EFCAB5: variants seen among roughly 807,000 people sequenced by gnomAD.
EFCAB5 encodes the protein EF-hand calcium binding domain 5.
Under a neutral mutation model 167.9 loss-of-function variants are expected in EFCAB5, and 131 were observed. The ratio of observed to expected loss-of-function variants is 0.78; its 90% CI spans 0.68 to 0.90. The LOEUF (loss-of-function observed/expected upper bound fraction) is 0.90, where lower values mean the gene tolerates loss of function less well. Among genes scored for constraint, EFCAB5 ranks in the 40% least tolerant of loss-of-function variants. The pLI is 0.00. For missense variants in EFCAB5, 1,663 were observed against 1,745.2 expected, an observed-to-expected ratio of 0.95 and a Z score of 0.84; for synonymous variants, 574 against 602.8, an observed-to-expected ratio of 0.95 and a Z score of 0.70.
intron 6 of EFCAB5, among the ~76,000 whole-genome samples, chr17:29,997,738 A>C (rs548790932): frequency 6.6e-6 from 1 of 152,152 alleles, no homozygotes; most frequent in Non-Finnish European, 1.5e-5. Flanking sequence ...AATGTCCTGC[A>C]GAAGGGGGAA....
chr17:30,075,003 C>A (rs1029200234), intron 14 of EFCAB5, among the ~76,000 whole-genome samples: 16 of 151,980 alleles, frequency 1.1e-4, no homozygotes, highest in African/African-American at 3.1e-4. Flanking sequence ...CTGTACATAC[C>A]TTTCTGTCTA....
At chr17:29,968,716 A>G in intron 3 of EFCAB5, 75 bp from the exon 4 acceptor site, 2 of 1,267,750 alleles carry the variant, frequency 1.6e-6, no homozygotes, top group Non-Finnish European at 2.1e-6. Context: ...AAATTTTTTC[A>G]AATATTATTC....
intron 14 of EFCAB5, 57 bp downstream of exon 14, chr17:30,059,758 C>A: frequency 6.8e-7 from 1 of 1,469,314 alleles, no homozygotes. Context: ...CTTCAAGTTT[C>A]TCAGTACACA....
At chr17:29,967,498 G>A (rs1756696294) in intron 3 of EFCAB5, among the ~76,000 whole-genome samples, 3 of 152,070 alleles carry the variant, frequency 2.0e-5, no homozygotes, top group Admixed American at 2.0e-4. Flanking sequence ...TCTAAACTTG[G>A]GGTGCCTCAA....
chr17:29,978,240 C>G (rs557244672), intron 4 of EFCAB5, among the ~76,000 whole-genome samples: 1 of 152,240 alleles, frequency 6.6e-6, no homozygotes, highest in South Asian at 2.1e-4. Flanking sequence ...TTGATTTATA[C>G]TGAATATCAA....
At chr17:29,986,077 T>C (rs1330325051) in intron 4 of EFCAB5, among the ~76,000 whole-genome samples, 2 of 152,252 alleles carry the variant, frequency 1.3e-5, no homozygotes, top group Non-Finnish European at 2.9e-5. Flanking sequence ...AATGGGTTAA[T>C]AGCTGCTAAT....
intron 14 of EFCAB5, chr17:30,069,294 G>A: frequency 1.3e-6 from 2 of 1,490,344 alleles, no homozygotes; most frequent in South Asian, 2.3e-5. Context: ...GATGGCAAAG[G>A]TGAAGATGAG....
intron 7 of EFCAB5, among the ~76,000 whole-genome samples, chr17:30,017,976 G>A (rs2069087634): frequency 6.6e-6 from 1 of 151,972 alleles, no homozygotes; most frequent in African/African-American, 2.4e-5. Context: ...CTCTTACTTG[G>A]CTGAATTTAT....
At chr17:29,937,780 A>T (rs1475749885), upstream of EFCAB5, among the ~76,000 whole-genome samples, 1 of 152,192 alleles carries the variant, frequency 6.6e-6, no homozygotes, top group East Asian at 1.9e-4. Context: ...AACCACTGTG[A>T]TTCAAACTTG....
intron 14 of EFCAB5, among the ~76,000 whole-genome samples, chr17:30,063,987 C>A (rs2070493962): frequency 6.6e-6 from 1 of 152,212 alleles, no homozygotes; most frequent in South Asian, 2.1e-4. Context: ...TCCATCCCAA[C>A]TAGCACACAA....
Position 29,968,940 on chromosome 17 carries a change from T to C in EFCAB5, c.340T>C (p.Trp114Arg). 3 of 1,586,034 alleles carry C rather than the reference T, an allele frequency of 1.9e-6. No homozygotes were observed. The highest frequency in any genetic ancestry group is 2.6e-6 in the Non-Finnish European group (3 of 1,165,820). ...TELKSKPEHT[W>R]KKNLFERMEA... ...ACTGAAATCAAAGCCAGAGCACACA[T>C]GGAAGAAAAACCTTTTTGAAAGAAT... The change falls in exon 4 of 23, where the codon TGG (tryptophan) becomes CGG (arginine). Residue 114 changes from tryptophan to arginine, a missense_variant. By Grantham distance (101) the Trp-to-Arg change is moderately radical. Transcript: ENST00000394835.
At position 30,053,955 on chromosome 17, in the gene EFCAB5, A is replaced by G; in HGVS notation, c.2001A>G (p.Ile667Met). The G allele has an allele frequency of 6.2e-7, 1 of 1,613,978 alleles. No homozygotes were observed. Among genetic ancestry groups the G allele is most frequent in the Non-Finnish European group, 8.5e-7 (1 of 1,179,864 alleles). Residue 667 changes from isoleucine to methionine, a missense_variant, in exon 10 of 23, where the codon ATA becomes ATG. Ile to Met is a conservative substitution (Grantham distance 10). Transcript: ENST00000394835. Reference protein sequence around the residue: ...GEIISEEQEDIGSTSQSRKDS... With the variant: ...GEIISEEQEDMGSTSQSRKDS... The stretch of plus-strand genomic sequence containing the variant: ...TAATTTCAGAAGAGCAAGAAGACAT[A>G]GGCTCAACTTCACAATCAAGAAAAG...
intron 4 of EFCAB5, among the ~76,000 whole-genome samples, chr17:29,989,386 C>T (rs149155253): frequency 3.9e-5 from 6 of 152,312 alleles, no homozygotes; most frequent in East Asian, 1.9e-4. Flanking sequence ...GACCTACATA[C>T]GTCTGGCAAA....
At chr17:30,047,720 A>G (rs2069966295) in intron 8 of EFCAB5, among the ~76,000 whole-genome samples, 1 of 152,200 alleles carries the variant, frequency 6.6e-6, no homozygotes. Context: ...TAGGAATTAA[A>G]TGGATATAAT....
intron 17 of EFCAB5, 45 bp from the exon 18 acceptor site, chr17:30,082,846 T>C (rs753478319): frequency 6.5e-7 from 1 of 1,539,092 alleles, no homozygotes; most frequent in East Asian, 2.3e-5. Context: ...TAATTATTTT[T>C]CTATTTTAAA....
chr17:30,005,107 G>A (rs2068748529), intron 7 of EFCAB5, among the ~76,000 whole-genome samples: 1 of 152,174 alleles, frequency 6.6e-6, no homozygotes, highest in African/African-American at 2.4e-5. Flanking sequence ...AAATATTTGA[G>A]GTTTTAGTAT....
At chr17:30,047,532 T>C (rs1320424729) in intron 8 of EFCAB5, among the ~76,000 whole-genome samples, 2 of 152,310 alleles carry the variant, frequency 1.3e-5, no homozygotes, top group South Asian at 4.1e-4. Flanking sequence ...TGCTCATAAG[T>C]ATAATTAATA....
At chr17:29,933,339 G>A (rs1406193452) in intron 1 of EFCAB5, among the ~76,000 whole-genome samples, 2 of 152,238 alleles carry the variant, frequency 1.3e-5, no homozygotes, top group Admixed American at 1.3e-4. Flanking sequence ...GTCGCTTTGC[G>A]AACGGAGCTG....
rs2068627254 is a variant in EFCAB5, at chr17:29,999,941, A to C, written c.1009A>C (p.Thr337Pro). The C allele has an allele frequency of 6.3e-7, 1 of 1,585,308 alleles. No individual in the cohort carries two copies. Among genetic ancestry groups the C allele is most frequent in the Non-Finnish European group, 8.6e-7 (1 of 1,164,252 alleles). ...CAAACAACTGGATATTACTGACTCA[A>C]CAGAACCAAGATTGAACAAAATGGA... ...HCKQLDITDS[T>P]EPRLNKMEFT... The change falls in exon 7 of 23, where the codon ACA becomes CCA. Residue 337 changes from threonine to proline, a missense_variant. Coordinates refer to ENST00000394835, the MANE Select transcript of EFCAB5 (RefSeq NM_198529.4).
Sources: allele counts gnomAD v4.1 joint callset (sites outside exome capture counted in the v4.1 genomes callset), GRCh38; gene constraint gnomAD v4.1.1; transcripts MANE v1.5; gene names NCBI Gene and HGNC (gene_info 2026-07-23, HGNC 2026-07-21).